PCDHGB3: variants seen among roughly 807,000 people sequenced by gnomAD.
The protein encoded by PCDHGB3 is protocadherin gamma-B3.
Under a neutral mutation model 59.2 loss-of-function variants are expected in PCDHGB3, and 40 were observed. That is an observed-to-expected ratio of 0.68 (90% CI 0.52 to 0.88). The LOEUF (loss-of-function observed/expected upper bound fraction) is 0.88, where lower values mean the gene tolerates loss of function less well. Among genes scored for constraint, PCDHGB3 ranks in the 40% least tolerant of loss-of-function variants. The pLI is 0.00. For synonymous variants in PCDHGB3, 581 were observed against 503.6 expected (o/e 1.15, Z -2.06); for missense variants, 1,309 against 1,187.9 (o/e 1.10, Z -1.50).
At position 141,372,017 on chromosome 5, in the gene PCDHGB3, G is replaced by A. The variant is rs1404745183; in HGVS notation, c.1623G>A (p.Thr541=). The part of the protein sequence containing the change: ...TLQARDQGSP[T]LSANVSLRVL... Reference sequence around the variant, plus strand: ...AGGCCCGCGACCAGGGCTCGCCTACGCTCAGCGCCAACGTGAGCCTGCGCG... The same window carrying A: ...AGGCCCGCGACCAGGGCTCGCCTACACTCAGCGCCAACGTGAGCCTGCGCG... The change falls in exon 1 of 4, where the codon ACG becomes ACA. Residue 541 remains threonine (T), a synonymous_variant. Coordinates refer to ENST00000576222, the MANE Select transcript of PCDHGB3 (RefSeq NM_018924.5). The A allele has an allele frequency of 4.3e-6, 7 of 1,613,220 alleles. No homozygotes were observed. The African/African-American group carries it at 9.3e-5, about 22-fold the overall frequency.
intron 1 of PCDHGB3, among the ~76,000 whole-genome samples, chr5:141,455,549 C>G (rs911113181): frequency 1.3e-5 from 2 of 152,042 alleles, no homozygotes; most frequent in Non-Finnish European, 2.9e-5. Flanking sequence ...TCACGTAGCC[C>G]GAGAAAAAGC....
At chr5:141,441,709 C>T in intron 1 of PCDHGB3, 1 of 321,306 alleles carries the variant, frequency 3.1e-6, no homozygotes, top group Non-Finnish European at 6.1e-6. Flanking sequence ...TTCAAGCTCA[C>T]GCTGCAGGCC....
intron 1 of PCDHGB3, among the ~76,000 whole-genome samples, chr5:141,469,186 G>T (rs536021769): frequency 6.6e-6 from 1 of 151,978 alleles, no homozygotes; most frequent in Admixed American, 6.6e-5. Flanking sequence ...TGAGGCAAGA[G>T]GATTGCTTGA....
intron 1 of PCDHGB3, chr5:141,408,708 A>G (rs773303576): frequency 6.2e-6 from 10 of 1,612,888 alleles, no homozygotes; most frequent in Non-Finnish European, 8.5e-6. Flanking sequence ...TCAATTAAAG[A>G]TTATAAGATA....
chr5:141,477,059 A>G lies in PCDHGB3; in HGVS notation c.2416-17748A>G. On this transcript the variant is annotated intron_variant, in intron 1 of 3. Coordinates refer to ENST00000576222, the MANE Select transcript of PCDHGB3 (RefSeq NM_018924.5). This position sits in a 1 kb window ranked among gnomAD's most constrained non-coding sequence, Gnocchi z 4.9. ...CAAGGGTCGGCTGGACTTCGAGGAC[A>G]CCAAACTCCATGAGATTTACATCCA... The G allele has an allele frequency of 1.2e-6, 2 of 1,614,238 alleles. No individual in the cohort carries two copies. Among genetic ancestry groups the G allele is most frequent in the Non-Finnish European group, 1.7e-6 (2 of 1,180,036 alleles).
Position 141,372,297 on chromosome 5 carries a change from A to G in PCDHGB3, c.1903A>G (p.Arg635Gly). 1 of 1,613,298 alleles carries G rather than the reference A, an allele frequency of 6.2e-7. No individual in the cohort carries two copies. The highest frequency in any genetic ancestry group is 1.1e-5 in the South Asian group (1 of 91,086). ...GCGCACGGCGCGTACCTTGGGCGAC[A>G]GGGAGGCCGCCCGCCAGCGCCTGCT... The part of the protein sequence containing the change: ...EVRTARTLGD[R>G]EAARQRLLVT... Residue 635 changes from arginine to glycine, a missense_variant, in exon 1 of 4, where the codon AGG becomes GGG. Coordinates refer to ENST00000576222, the MANE Select transcript of PCDHGB3 (RefSeq NM_018924.5).
chr5:141,418,996 TG>T (rs745777250), intron 1 of PCDHGB3: 13 of 1,613,756 alleles, frequency 8.1e-6, no homozygotes, highest in Non-Finnish European at 1.1e-5. Flanking sequence ...CAGGGGAAAA[TG>T]GGGAAGTCAG....
chr5:141,490,549 C>T lies in PCDHGB3; in HGVS notation c.2416-4258C>T, dbSNP rs2099701539. ...TGCTGGTTCACCTTCCCTACACAAA[C>T]ATCTCACCATCAGGCTCAACATTTC... On this transcript the variant is annotated intron_variant, in intron 1 of 3. Transcript: ENST00000576222. The surrounding 1 kb of genome is among the most constrained non-coding windows in gnomAD (Gnocchi z 5.4). The T allele has an allele frequency of 1.9e-6, 3 of 1,614,178 alleles. No homozygotes were observed. The highest frequency in any genetic ancestry group is 1.7e-6 in the Non-Finnish European group (2 of 1,180,024).
intron 1 of PCDHGB3, chr5:141,399,774 C>A (rs758550367): frequency 1.2e-6 from 2 of 1,613,116 alleles, no homozygotes; most frequent in South Asian, 2.2e-5. Flanking sequence ...TGTTGGTGGG[C>A]GACCGAAACG....
intron 1 of PCDHGB3, chr5:141,413,459 A>G: frequency 6.2e-7 from 1 of 1,614,080 alleles, no homozygotes; most frequent in Non-Finnish European, 8.5e-7. Flanking sequence ...GGCAGGATAG[A>G]CCGGGAGGAG....
chr5:141,399,896 T>G (rs1271195619), intron 1 of PCDHGB3: 2 of 1,612,518 alleles, frequency 1.2e-6, no homozygotes, highest in Non-Finnish European at 8.5e-7. Flanking sequence ...GTAGTGGCCG[T>G]GGACGCAGAC....
chr5:141,469,404 G>A (rs1439441297), intron 1 of PCDHGB3, among the ~76,000 whole-genome samples: 7 of 151,874 alleles, frequency 4.6e-5, no homozygotes, highest in African/African-American at 1.5e-4. Flanking sequence ...GTGAAACCCC[G>A]TTTCTACTAA....
chr5:141,438,591 C>CATAT (rs946798767), intron 1 of PCDHGB3, among the ~76,000 whole-genome samples: 211 of 75,392 alleles, frequency 2.8e-3, no homozygotes, highest in Non-Finnish European at 4.1e-3. Context: ...TACATACATA[C>CATAT]ATATATATAT....
chr5:141,373,897 C>T, intron 1 of PCDHGB3: 1 of 537,056 alleles, frequency 1.9e-6, no homozygotes, highest in Non-Finnish European at 3.1e-6. Flanking sequence ...ACTCAAGTTA[C>T]ATCCTCCAAC....
In PCDHGB3 at chr5:141,476,606, G is replaced by A; in HGVS notation, c.2416-18201G>A. 1 of 1,614,244 alleles carries A rather than the reference G, an allele frequency of 6.2e-7. No homozygotes were observed. Among genetic ancestry groups the A allele is most frequent in the Non-Finnish European group, 8.5e-7 (1 of 1,180,046 alleles). Reference sequence around the variant, plus strand: ...GCTCGAGAGCGCGCACGATCCCGATGTGGGAAGCAACTCTTTACAAACCTA... The same window carrying A: ...GCTCGAGAGCGCGCACGATCCCGATATGGGAAGCAACTCTTTACAAACCTA... On this transcript the variant is annotated intron_variant, in intron 1 of 3. Transcript: ENST00000576222. The surrounding 1 kb of genome is among the most constrained non-coding windows in gnomAD (Gnocchi z 7.6).
Position 141,398,399 on chromosome 5 carries a change from A to G in PCDHGB3, c.2415+25590A>G, listed in dbSNP as rs763282563. 8 of 1,466,584 alleles carry G rather than the reference A, an allele frequency of 5.5e-6. No individual in the cohort carries two copies. In the Admixed American group the frequency reaches 7.2e-5, roughly 13 times the overall value. 90.8% of individuals were successfully genotyped at this position (1,466,584 alleles called of 1,614,324 possible). ...GAGTTGCTTGTGAGCAGCAGGCTAG[A>G]CAGGGAGGAGATATGCGGGAAGAAG... On this transcript the variant is annotated intron_variant, in intron 1 of 3. Coordinates refer to ENST00000576222, the MANE Select transcript of PCDHGB3 (RefSeq NM_018924.5).
chr5:141,381,582 C>T (rs1777289375), intron 1 of PCDHGB3, among the ~76,000 whole-genome samples: 1 of 152,154 alleles, frequency 6.6e-6, no homozygotes, highest in African/African-American at 2.4e-5. Flanking sequence ...TCAGCCAATC[C>T]ATTATCCAGT....
chr5:141,502,629 G>A (rs1368174848), intron 2 of PCDHGB3, among the ~76,000 whole-genome samples: 1 of 152,096 alleles, frequency 6.6e-6, no homozygotes, highest in Non-Finnish European at 1.5e-5. Context: ...GTAATCTGTG[G>A]ATGATACTTT....
intron 1 of PCDHGB3, chr5:141,385,033 C>T (rs749144502): frequency 1.2e-6 from 2 of 1,614,182 alleles, no homozygotes; most frequent in East Asian, 2.2e-5. Context: ...CCTCGTACTG[C>T]TGGCGCTCAG....
Sources: gnomAD v4.1 joint callset for allele counts (sites outside exome capture counted in the v4.1 genomes callset) on GRCh38, gnomAD v4.1.1 for gene constraint, Gnocchi (gnomAD v3.1) non-coding constraint, MANE v1.5 for transcripts, NCBI Gene and HGNC (gene_info 2026-07-23, HGNC 2026-07-21) for gene names.